Variants in HDAC11 observed in about 807,000 individuals in gnomAD.
HDAC11 encodes the protein histone deacetylase 11.
A neutral mutation model predicts 41.1 loss-of-function variants in HDAC11; 23 were observed. The ratio of observed to expected loss-of-function variants is 0.56; its 90% CI spans 0.40 to 0.79. The LOEUF (loss-of-function observed/expected upper bound fraction) is 0.79. HDAC11 is among the 30% of genes least tolerant of loss of function. The pLI is 0.00. For synonymous variants in HDAC11, 187 were observed against 186.6 expected (o/e 1.00, Z -0.02); for missense variants, 402 against 477.3 (o/e 0.84, Z 1.47).
At chr3:13,494,654 C>G (rs566311400) in intron 3 of HDAC11, among the ~76,000 whole-genome samples, 1 of 152,208 alleles carries the variant, frequency 6.6e-6, no homozygotes, top group Non-Finnish European at 1.5e-5. Flanking sequence ...CTCTCCTTCC[C>G]GACCATGAGT....
chr3:13,502,790 C>A lies in HDAC11; in HGVS notation c.553-94C>A. ...CCGAGAGCAGGCCGTGCTGCCCTGG[C>A]AAATGGGGAGTTTCCTGAGGGGTGG... On this transcript the variant is annotated intron_variant, in intron 7 of 9. Coordinates refer to ENST00000295757, the MANE Select transcript of HDAC11 (RefSeq NM_024827.4). The surrounding 1 kb of genome is among the most constrained non-coding windows in gnomAD (Gnocchi z 4.1). The A allele has an allele frequency of 1.1e-6, 1 of 892,906 alleles. No individual in the cohort carries two copies. Among genetic ancestry groups the A allele is most frequent in the Non-Finnish European group, 1.8e-6 (1 of 551,304 alleles). 55.3% of individuals were successfully genotyped at this position (892,906 alleles called of 1,614,324 possible). A position where few individuals can be genotyped will look rare whatever the true frequency, so the allele number is the denominator to read the frequency against.
intron 3 of HDAC11, among the ~76,000 whole-genome samples, chr3:13,485,060 G>A (rs950169499): frequency 6.6e-6 from 1 of 152,238 alleles, no homozygotes; most frequent in South Asian, 2.1e-4. Context: ...CTCCACAGGT[G>A]GAAAAGCCTA....
intron 3 of HDAC11, among the ~76,000 whole-genome samples, chr3:13,494,524 C>T (rs1187029085): frequency 6.6e-6 from 1 of 152,242 alleles, no homozygotes; most frequent in Admixed American, 6.5e-5. Context: ...TGGGTGTGTC[C>T]TGCAGCTGTC....
chr3:13,494,076 T>C (rs1701980965), intron 3 of HDAC11, among the ~76,000 whole-genome samples: 1 of 152,248 alleles, frequency 6.6e-6, no homozygotes, highest in African/African-American at 2.4e-5. Context: ...GCAGGCGGCA[T>C]AAGCCATGCT....
intron 5 of HDAC11, among the ~76,000 whole-genome samples, chr3:13,499,466 G>T (rs986684240): frequency 2.0e-5 from 3 of 152,168 alleles, no homozygotes; most frequent in Non-Finnish European, 2.9e-5. Context: ...GAGCCACCAC[G>T]CCCGGCCTTC....
chr3:13,503,433 G>A (rs1366235791), intron 8 of HDAC11, among the ~76,000 whole-genome samples: 5 of 152,142 alleles, frequency 3.3e-5, no homozygotes, highest in African/African-American at 7.2e-5. Context: ...ATGTGGTGGC[G>A]CATGCCTGTA....
At position 13,505,624 on chromosome 3, in the gene HDAC11, C is replaced by T. The variant is rs1702587302; in HGVS notation, c.*941C>T. 1 of 152,468 alleles carries T rather than the reference C, an allele frequency of 6.6e-6. No homozygotes were observed. The highest frequency in any genetic ancestry group is 2.4e-5 in the African/African-American group (1 of 41,452). The allele number at this position is 152,468 out of a possible 1,614,324, so 9.4% of individuals were successfully genotyped here. A position where few individuals can be genotyped will look rare whatever the true frequency, so the allele number is the denominator to read the frequency against. ...AGGAACCCAGGCCCAGGGAGGGACC[C>T]AGACACTGGTGAGGCGGGGCAGGGG... is the stretch of plus-strand genomic sequence containing the variant. On this transcript the variant is annotated 3_prime_UTR_variant, in exon 10 of 10. Coordinates refer to ENST00000295757, the MANE Select transcript of HDAC11 (RefSeq NM_024827.4).
At chr3:13,490,999 T>C (rs887338502) in intron 3 of HDAC11, among the ~76,000 whole-genome samples, 1 of 151,892 alleles carries the variant, frequency 6.6e-6, no homozygotes, top group Non-Finnish European at 1.5e-5. Flanking sequence ...TCTGCCCACC[T>C]CGGCCTCTCA....
chr3:13,480,855 C>T lies in HDAC11; in HGVS notation c.3-391C>T, dbSNP rs2124996743. 2 of 390,624 alleles carry T rather than the reference C, an allele frequency of 5.1e-6. No individual in the cohort carries two copies. Among genetic ancestry groups the T allele is most frequent in the East Asian group, 1.5e-4 (2 of 13,630 alleles). 24.2% of individuals were successfully genotyped at this position (390,624 alleles called of 1,614,324 possible). A position where few individuals can be genotyped will look rare whatever the true frequency, so the allele number is the denominator to read the frequency against. ...TCTCTGAGTCCTCACAACAGCCACACATTTTGCAGCCGAAGCCTTGTGCCA... is the reference window on the plus strand; with the variant it reads ...TCTCTGAGTCCTCACAACAGCCACATATTTTGCAGCCGAAGCCTTGTGCCA... On this transcript the variant is annotated intron_variant, in intron 1 of 9. Coordinates refer to ENST00000295757, the MANE Select transcript of HDAC11 (RefSeq NM_024827.4). The surrounding 1 kb of genome is among the most constrained non-coding windows in gnomAD (Gnocchi z 4.6).
intron 5 of HDAC11, among the ~76,000 whole-genome samples, chr3:13,499,492 T>G (rs1041464725): frequency 6.6e-6 from 1 of 152,172 alleles, no homozygotes; most frequent in African/African-American, 2.4e-5. Flanking sequence ...GACTCTTATT[T>G]GAGCTGGGCA....
In HDAC11 at chr3:13,504,270, G is replaced by A. The variant is rs781517233; in HGVS notation, c.826G>A (p.Ala276Thr). Residue 276 changes from alanine (A) to threonine (T), a missense_variant and splice_region_variant, in exon 9 of 10, where the codon GCG (alanine) becomes ACG (threonine). Transcript: ENST00000295757. ...DRLGGLSISP[A>T]GIVKRDELVF... is the part of the protein sequence containing the mutation. Reference sequence around the variant, plus strand: ...CCTTGGGGGGCTGTCCATCAGCCCAGCGGTACGTCCTGACCCTTGGGGCCA... The same window carrying A: ...CCTTGGGGGGCTGTCCATCAGCCCAACGGTACGTCCTGACCCTTGGGGCCA... The A allele has an allele frequency of 6.2e-6, 10 of 1,613,102 alleles. No homozygotes were observed. The highest frequency in any genetic ancestry group is 8.5e-6 in the Non-Finnish European group (10 of 1,179,980).
intron 3 of HDAC11, among the ~76,000 whole-genome samples, chr3:13,486,573 T>TG (rs1266613095): frequency 2.8e-4 from 6 of 21,436 alleles, no homozygotes; most frequent in Non-Finnish European, 4.8e-4. Context: ...GTAGAGGTGT[T>TG]TTTTTTTTTT....
At chr3:13,501,108 G>C (rs1306472268) in intron 6 of HDAC11, among the ~76,000 whole-genome samples, 1 of 152,232 alleles carries the variant, frequency 6.6e-6, no homozygotes, top group Non-Finnish European at 1.5e-5. Context: ...GGCTGGCAAA[G>C]GGAGTAGGGA....
At position 13,504,678 on chromosome 3, in the gene HDAC11, C is replaced by T. The variant is rs752354012; in HGVS notation, c.1039C>T (p.Pro347Ser). The T allele has an allele frequency of 6.2e-7, 1 of 1,613,272 alleles. No homozygotes were observed. The highest frequency in any genetic ancestry group is 1.1e-5 in the South Asian group (1 of 91,080). The stretch of plus-strand genomic sequence containing the variant: ...CACACCGCTGCTTCCCCCTGCAGTG[C>T]CCTGACCCTTGCTGCCCTGCCTGTC... ...SDTPLLPPAVP is the reference protein window; with the variant it reads ...SDTPLLPPAVS The change falls in exon 10 of 10, where the codon CCC becomes TCC. Residue 347 changes from proline (P) to serine (S), a missense_variant. Transcript: ENST00000295757.
intron 3 of HDAC11, among the ~76,000 whole-genome samples, chr3:13,495,326 T>C (rs1387684192): frequency 1.3e-5 from 2 of 151,920 alleles, no homozygotes; most frequent in African/African-American, 4.8e-5. Flanking sequence ...AGCTCCAGTC[T>C]CACTTAAACC....
chr3:13,503,411 A>G (rs1456319902), intron 8 of HDAC11, among the ~76,000 whole-genome samples: 1 of 152,138 alleles, frequency 6.6e-6, no homozygotes, highest in African/African-American at 2.4e-5. Flanking sequence ...CTAAAAATAC[A>G]AAATTAGCTG....
chr3:13,484,078 C>T (rs1047383394), intron 3 of HDAC11, among the ~76,000 whole-genome samples: 12 of 152,138 alleles, frequency 7.9e-5, no homozygotes, highest in Admixed American at 4.6e-4. Context: ...CTGTCTCACC[C>T]TCCTGAGTGA....
At position 13,504,272 on chromosome 3, in the gene HDAC11, G is replaced by A. The variant is rs756417743; in HGVS notation, c.828G>A (p.Ala276=). 9 of 1,612,968 alleles carry A rather than the reference G, an allele frequency of 5.6e-6. No homozygotes were observed. The highest frequency in any genetic ancestry group is 2.2e-5 in the South Asian group (2 of 91,052). ...DRLGGLSISP[A]GIVKRDELVF... The stretch of plus-strand genomic sequence containing the variant: ...TTGGGGGGCTGTCCATCAGCCCAGC[G>A]GTACGTCCTGACCCTTGGGGCCACG... Residue 276 remains alanine (A), a splice_region_variant and synonymous_variant, in exon 9 of 10, where the codon GCG becomes GCA. Coordinates refer to ENST00000295757, the MANE Select transcript of HDAC11 (RefSeq NM_024827.4).
intron 5 of HDAC11, 25 bp from the exon 6 acceptor site, chr3:13,500,688 A>G (rs2125010699): frequency 6.4e-7 from 1 of 1,564,628 alleles, no homozygotes; most frequent in African/African-American, 1.3e-5. Flanking sequence ...GGCTCTGAGC[A>G]GCACCGCTCT....
Sources: gnomAD v4.1 joint callset for allele counts (sites outside exome capture counted in the v4.1 genomes callset) on GRCh38, gnomAD v4.1.1 for gene constraint, Gnocchi (gnomAD v3.1) non-coding constraint, MANE v1.5 for transcripts, NCBI Gene and HGNC (gene_info 2026-07-23, HGNC 2026-07-21) for gene names.